TMTC2: variants seen among roughly 807,000 people sequenced by gnomAD.
The protein encoded by TMTC2 is transmembrane O-mannosyltransferase targeting cadherins 2.
TMTC2 carries 43 observed loss-of-function variants against 82.4 expected under a neutral mutation model. The observed-to-expected ratio is 0.52, with a 90% CI of 0.41 to 0.67. TMTC2 has a LOEUF of 0.67. TMTC2 is among the 30% of genes least tolerant of loss of function. The probability of loss-of-function intolerance (pLI) is 0.00; values close to 1 mark genes in which losing one functional copy is unlikely to be tolerated. For missense variants in TMTC2, 919 were observed against 1,012.4 expected (o/e 0.91, Z 1.25); for synonymous variants, 408 against 381.9 (o/e 1.07, Z -0.80).
intron 2 of TMTC2, among the ~76,000 whole-genome samples, chr12:82,864,650 C>T (rs1483743984): frequency 6.6e-6 from 1 of 151,240 alleles, no homozygotes; most frequent in African/African-American, 2.4e-5. Flanking sequence ...TACAGGCACA[C>T]ACCACCATGC....
In TMTC2 at chr12:83,114,227, G is replaced by T. The variant is rs186469329; in HGVS notation, c.2332-17983G>T. On this transcript the variant is annotated intron_variant, in intron 11 of 11. Transcript: ENST00000321196. The stretch of plus-strand genomic sequence containing the variant: ...TAATTAGAGTAGGTTAGGTCATGAG[G>T]GTGGAGTGCTCAAGATGCGAGTAAA... Among the ~76,000 whole-genome samples, 15 of 152,038 alleles carry T rather than the reference G, an allele frequency of 9.9e-5. No homozygotes were observed. The East Asian group carries it at 2.9e-3, about 29-fold the overall frequency.
intron 10 of TMTC2, among the ~76,000 whole-genome samples, chr12:83,055,705 G>GGT (rs58129444): frequency 0.066 from 9,819 of 147,924 alleles, 406 homozygotes; most frequent in African/African-American, 0.12. Flanking sequence ...TAGTGGAAGG[G>GGT]GTGTGTGTGT....
rs376846763 is a variant in TMTC2 at position 82,927,794 on chromosome 12, G to T, written c.1484-2637G>T. On this transcript the variant is annotated intron_variant, in intron 3 of 11. Transcript: ENST00000321196. ...AGCACAAAGATTAAGACTCACCAAGGGCTCAGATGATTGTTAGCATTTTTT... is the reference window on the plus strand; with the variant it reads ...AGCACAAAGATTAAGACTCACCAAGTGCTCAGATGATTGTTAGCATTTTTT... 3.9e-5 allele frequency among the ~76,000 whole-genome samples: 6 copies of T among 152,192 alleles called. No individual in the cohort carries two copies. In the East Asian group the frequency reaches 1.2e-3, roughly 29 times the overall value.
In TMTC2 at chr12:82,985,939, C is replaced by T. The variant is rs757783753; in HGVS notation, c.1963C>T (p.Arg655Cys). The change falls in exon 8 of 12, where the codon CGT (arginine) becomes TGT (cysteine). Residue 655 changes from arginine to cysteine, a missense_variant. Arg to Cys is a radical substitution (Grantham distance 180). Coordinates refer to ENST00000321196, the MANE Select transcript of TMTC2 (RefSeq NM_152588.3). The part of the protein sequence containing the change: ...LYNMMGEAYM[R>C]LSKLPEAEHW... Reference sequence around the variant, plus strand: ...TCTCTTTCCAGGTGAAGCATATATGCGTTTAAGCAAACTCCCCGAAGCAGA... The same window carrying T: ...TCTCTTTCCAGGTGAAGCATATATGTGTTTAAGCAAACTCCCCGAAGCAGA... The T allele has an allele frequency of 1.3e-5, 21 of 1,613,522 alleles. No individual in the cohort carries two copies. Among genetic ancestry groups the T allele is most frequent in the Non-Finnish European group, 1.6e-5 (19 of 1,179,624 alleles).
intron 8 of TMTC2, among the ~76,000 whole-genome samples, chr12:82,987,419 C>CA (rs1236293175): frequency 0.022 from 760 of 34,228 alleles, 10 homozygotes; most frequent in African/African-American, 0.056. Flanking sequence ...GACTCCATCT[C>CA]AAAAAAAAAA....
At chr12:83,070,439 T>C (rs1388265908) in intron 11 of TMTC2, among the ~76,000 whole-genome samples, 1 of 152,152 alleles carries the variant, frequency 6.6e-6, no homozygotes, top group Non-Finnish European at 1.5e-5. Context: ...TTTATTATTT[T>C]TTTTTTTGCA....
intron 1 of TMTC2, among the ~76,000 whole-genome samples, chr12:82,839,948 T>C (rs528483828): frequency 1.3e-5 from 2 of 152,302 alleles, no homozygotes; most frequent in East Asian, 3.9e-4. Context: ...TTATGATTAA[T>C]GCAAGCAAAA....
At chr12:82,836,466 T>C (rs1870046504) in intron 1 of TMTC2, among the ~76,000 whole-genome samples, 1 of 152,108 alleles carries the variant, frequency 6.6e-6, no homozygotes, top group Admixed American at 6.5e-5. Context: ...GTTGGAATGA[T>C]GTAATCAATT....
chr12:83,064,682 T>C (rs1212649642), intron 11 of TMTC2, among the ~76,000 whole-genome samples: 3 of 151,866 alleles, frequency 2.0e-5, no homozygotes, highest in African/African-American at 7.2e-5. Flanking sequence ...CCTGCTTAGC[T>C]TCCAAGATCA....
chr12:82,817,023 C>CG (rs1868779880), intron 1 of TMTC2, among the ~76,000 whole-genome samples: 1 of 149,982 alleles, frequency 6.7e-6, no homozygotes, highest in African/African-American at 2.5e-5. Flanking sequence ...GCTGGAGTGC[C>CG]GTGGCAGGAT....
chr12:82,958,552 C>T (rs1040388543), intron 4 of TMTC2, among the ~76,000 whole-genome samples: 16 of 151,806 alleles, frequency 1.1e-4, no homozygotes, highest in African/African-American at 3.6e-4. Flanking sequence ...AAATGTGATT[C>T]GCCACATAAG....
chr12:82,831,328 A>T (rs77690596), intron 1 of TMTC2, among the ~76,000 whole-genome samples: 1 of 152,220 alleles, frequency 6.6e-6, no homozygotes, highest in African/African-American at 2.4e-5. Flanking sequence ...GCAAACATCA[A>T]ATTCTCAAAG....
Position 83,048,699 on chromosome 12 carries a change from C to T in TMTC2, c.2153-2205C>T, listed in dbSNP as rs147752181. Among the ~76,000 whole-genome samples, 294 of 152,292 alleles carry T rather than the reference C, an allele frequency of 1.9e-3. 3 individuals are homozygous for T. Among genetic ancestry groups the T allele is most frequent in the East Asian group, 0.017 (88 of 5,182 alleles). Reference sequence around the variant, plus strand: ...TATTTATGAATGAATGACAAGGTCTCACTCTGTCGCCCAGGCTGAAGTGCA... The same window carrying T: ...TATTTATGAATGAATGACAAGGTCTTACTCTGTCGCCCAGGCTGAAGTGCA... On this transcript the variant is annotated intron_variant, in intron 9 of 11. Transcript: ENST00000321196.
intron 10 of TMTC2, among the ~76,000 whole-genome samples, chr12:83,056,650 C>T (rs966489264): frequency 1.3e-5 from 2 of 151,978 alleles, no homozygotes; most frequent in South Asian, 2.1e-4. Context: ...ATATTTCCAG[C>T]GCCCTCTGGA....
intron 3 of TMTC2, among the ~76,000 whole-genome samples, chr12:82,901,510 G>T (rs1381608827): frequency 6.6e-6 from 1 of 151,108 alleles, no homozygotes; most frequent in Non-Finnish European, 1.5e-5. Flanking sequence ...CACTATCTTG[G>T]CCAGGTTGGT....
At chr12:82,910,872 T>C (rs1414913543) in intron 3 of TMTC2, among the ~76,000 whole-genome samples, 1 of 151,736 alleles carries the variant, frequency 6.6e-6, no homozygotes, top group Admixed American at 6.6e-5. Flanking sequence ...CTGGGTTGTT[T>C]TTTTCTTTTT....
chr12:83,012,274 G>A (rs928007601), intron 8 of TMTC2, among the ~76,000 whole-genome samples: 8 of 152,020 alleles, frequency 5.3e-5, no homozygotes, highest in African/African-American at 1.9e-4. Flanking sequence ...AAAAAAATGA[G>A]AGAAGAAAAA....
chr12:82,941,193 T>A (rs1447563389), intron 4 of TMTC2, among the ~76,000 whole-genome samples: 1 of 152,132 alleles, frequency 6.6e-6, no homozygotes, highest in Non-Finnish European at 1.5e-5. Context: ...ATATTTTTTT[T>A]AAAAGATGGG....
At chr12:82,955,047 A>C (rs1877542532) in intron 4 of TMTC2, among the ~76,000 whole-genome samples, 1 of 152,168 alleles carries the variant, frequency 6.6e-6, no homozygotes, top group Non-Finnish European at 1.5e-5. Flanking sequence ...TTTCTGAAGA[A>C]ATGTATTGTA....
Sources: allele counts gnomAD v4.1 joint callset (sites outside exome capture counted in the v4.1 genomes callset), GRCh38; gene constraint gnomAD v4.1.1; transcripts MANE v1.5; gene names NCBI Gene and HGNC (gene_info 2026-07-23, HGNC 2026-07-21).